Variants in NALF1 observed in about 807,000 individuals in gnomAD.
NALF1 encodes the protein family with sequence similarity 155 member A.
NALF1 carries 3 observed loss-of-function variants against 48.4 expected under a neutral mutation model. The ratio of observed to expected loss-of-function variants is 0.06; its 90% CI spans 0.03 to 0.16. The LOEUF (loss-of-function observed/expected upper bound fraction) is 0.16. Among genes scored for constraint, NALF1 ranks in the 10% least tolerant of loss-of-function variants. The pLI, the probability that NALF1 is intolerant of heterozygous loss-of-function variation, is 1.00. For missense variants in NALF1, 526 were observed against 571.5 expected, an observed-to-expected ratio of 0.92 and a Z score of 0.81; for synonymous variants, 262 against 245.7, an observed-to-expected ratio of 1.07 and a Z score of -0.62.
chr13:107,391,315 T>C (rs1022958293), intron 1 of NALF1, among the ~76,000 whole-genome samples: 1 of 152,092 alleles, frequency 6.6e-6, no homozygotes, highest in Non-Finnish European at 1.5e-5. Flanking sequence ...TAAATTCTCA[T>C]CAGATGGGTT....
At chr13:107,315,884 T>C (rs1416734114) in intron 1 of NALF1, among the ~76,000 whole-genome samples, 2 of 149,680 alleles carry the variant, frequency 1.3e-5, no homozygotes, top group East Asian at 3.9e-4. Flanking sequence ...TTATTTTTTA[T>C]AGATATATAT....
chr13:107,369,667 T>C (rs767929357), intron 1 of NALF1, among the ~76,000 whole-genome samples: 12 of 152,174 alleles, frequency 7.9e-5, no homozygotes, highest in Non-Finnish European at 1.6e-4. Context: ...TAAGCAATTA[T>C]TCCTAAGATT....
chr13:107,749,657 A>G (rs527923529), intron 1 of NALF1, among the ~76,000 whole-genome samples: 168 of 152,228 alleles, frequency 1.1e-3, no homozygotes, highest in Non-Finnish European at 1.9e-3. Context: ...TTCATAGTAT[A>G]TCTTCAAAAT....
chr13:107,548,695 T>A (rs1877204886), intron 1 of NALF1, among the ~76,000 whole-genome samples: 1 of 152,028 alleles, frequency 6.6e-6, no homozygotes, highest in Non-Finnish European at 1.5e-5. Flanking sequence ...GCTCCCCTCT[T>A]AGTTCCATAG....
At chr13:107,482,760 G>A (rs894145987) in intron 1 of NALF1, among the ~76,000 whole-genome samples, 6 of 152,168 alleles carry the variant, frequency 3.9e-5, no homozygotes, top group Non-Finnish European at 7.4e-5. Flanking sequence ...GGGAAACTGT[G>A]AGGCTTTGAC....
At chr13:107,669,634 A>G (rs929071443) in intron 1 of NALF1, among the ~76,000 whole-genome samples, 2 of 152,076 alleles carry the variant, frequency 1.3e-5, no homozygotes, top group African/African-American at 4.8e-5. Flanking sequence ...ACACAACCAC[A>G]TTTTTCAGAG....
rs368901866 is a variant in NALF1, at chr13:107,288,526, C to CTTT, written c.916-77774_916-77772dup. 6.7e-5 allele frequency among the ~76,000 whole-genome samples: 8 copies of CTTT among 119,128 alleles called. 1 individual carries two copies. Among genetic ancestry groups the CTTT allele is most frequent in the South Asian group, 2.7e-4 (1 of 3,712 alleles). 78.2% of individuals were successfully genotyped at this position (119,128 alleles called of 152,430 possible). On this transcript the variant is annotated intron_variant, in intron 1 of 2. Transcript: ENST00000375915. ...TGAGCCACCGCGCCCAGCCTGAAAA[C>CTTT]TTTTTTTTTTTTTTTTGAGATGGTG... is the stretch of plus-strand genomic sequence containing the variant.
At chr13:107,724,456 C>T (rs180697701) in intron 1 of NALF1, among the ~76,000 whole-genome samples, 21 of 152,098 alleles carry the variant, frequency 1.4e-4, no homozygotes, top group African/African-American at 4.8e-4. Context: ...CGTTCATTTA[C>T]GAAATGATTT....
chr13:107,315,522 A>G (rs1170758313), intron 1 of NALF1, among the ~76,000 whole-genome samples: 2 of 152,176 alleles, frequency 1.3e-5, no homozygotes, highest in African/African-American at 4.8e-5. Context: ...TGTAAAATAC[A>G]TAAAAACTAC....
chr13:107,661,400 T>C (rs1222119274), intron 1 of NALF1, among the ~76,000 whole-genome samples: 4 of 152,218 alleles, frequency 2.6e-5, no homozygotes, highest in African/African-American at 9.6e-5. Context: ...CATAGCTTGC[T>C]TTTACTTTCA....
At chr13:107,421,854 C>T (rs1301085251) in intron 1 of NALF1, among the ~76,000 whole-genome samples, 1 of 152,114 alleles carries the variant, frequency 6.6e-6, no homozygotes, top group Non-Finnish European at 1.5e-5. Context: ...CAGTATCTTG[C>T]TGGTTTTTAG....
At chr13:107,220,925 T>A (rs1162214318) in intron 1 of NALF1, among the ~76,000 whole-genome samples, 2 of 149,418 alleles carry the variant, frequency 1.3e-5, no homozygotes. Context: ...AGGAAGGAGA[T>A]AATGAAATGT....
intron 1 of NALF1, among the ~76,000 whole-genome samples, chr13:107,274,880 A>G: frequency 6.6e-6 from 1 of 152,144 alleles, no homozygotes; most frequent in East Asian, 1.9e-4. Flanking sequence ...TTGGAAGCCA[A>G]AAAAATAAGA....
At chr13:107,782,314 G>A (rs1407610843) in intron 1 of NALF1, among the ~76,000 whole-genome samples, 1 of 152,170 alleles carries the variant, frequency 6.6e-6, no homozygotes. Context: ...CTCGGCCTCC[G>A]GAGGTGCCAG....
At chr13:107,239,244 A>G (rs1880415196) in intron 1 of NALF1, among the ~76,000 whole-genome samples, 2 of 152,194 alleles carry the variant, frequency 1.3e-5, no homozygotes. Flanking sequence ...GAAGGCCAAA[A>G]CTGAAGCGCC....
At chr13:107,624,925 T>C (rs1045690351) in intron 1 of NALF1, among the ~76,000 whole-genome samples, 1 of 152,166 alleles carries the variant, frequency 6.6e-6, no homozygotes, top group African/African-American at 2.4e-5. Flanking sequence ...AAAAAGTAAA[T>C]CACTCAAATG....
chr13:107,701,810 T>C (rs945104965), intron 1 of NALF1, among the ~76,000 whole-genome samples: 7 of 152,186 alleles, frequency 4.6e-5, no homozygotes, highest in Non-Finnish European at 1.0e-4. Context: ...TTTAACTATA[T>C]ATAATTATCA....
intron 1 of NALF1, among the ~76,000 whole-genome samples, chr13:107,399,209 TA>T (rs1883762558): frequency 1.3e-5 from 2 of 151,988 alleles, no homozygotes; most frequent in African/African-American, 4.8e-5. Context: ...CAAATGGAGG[TA>T]GGGGGTTGTA....
chr13:107,855,605 CAAAAG>C, intron 1 of NALF1, among the ~76,000 whole-genome samples: 1 of 152,252 alleles, frequency 6.6e-6, no homozygotes, highest in East Asian at 1.9e-4. Flanking sequence ...AAAACAAAAA[CAAAAG>C]AAACAACAGG....
Sources: gnomAD v4.1 joint callset for allele counts (sites outside exome capture counted in the v4.1 genomes callset) on GRCh38, gnomAD v4.1.1 for gene constraint, MANE v1.5 for transcripts, NCBI Gene and HGNC (gene_info 2026-07-23, HGNC 2026-07-21) for gene names.